Variants in RNF150 observed in about 807,000 individuals in gnomAD.
The protein encoded by RNF150 is ring finger protein 150.
Under a neutral mutation model 39.3 loss-of-function variants are expected in RNF150, and 24 were observed. The observed-to-expected ratio is 0.61, with a 90% CI of 0.44 to 0.86. RNF150 has a LOEUF of 0.86. Ranked by LOEUF, RNF150 falls within the 40% of genes least tolerant of loss-of-function variation. The pLI, the probability that RNF150 is intolerant of heterozygous loss-of-function variation, is 0.00. For missense variants in RNF150, 502 were observed against 587.8 expected, an observed-to-expected ratio of 0.85 and a Z score of 1.51; for synonymous variants, 255 against 227.3, an observed-to-expected ratio of 1.12 and a Z score of -1.10.
chr4:140,937,410 G>A (rs1731902144), intron 4 of RNF150, among the ~76,000 whole-genome samples: 1 of 151,968 alleles, frequency 6.6e-6, no homozygotes, highest in Admixed American at 6.6e-5. Context: ...ACAGGCACCC[G>A]GCACAACGCC....
rs570165213 is a variant in RNF150, at chr4:141,106,738, G to A, written c.484+25587C>T. On this transcript the variant is annotated intron_variant, in intron 1 of 6. Transcript: ENST00000515673. Reference sequence around the variant, plus strand: ...GAACCCGGGAGGCGGAAATTGCAGTGAGCTGACATCGTGCCATTGCACTCC... The same window carrying A: ...GAACCCGGGAGGCGGAAATTGCAGTAAGCTGACATCGTGCCATTGCACTCC... Among the ~76,000 whole-genome samples, 8 of 152,246 alleles carry A rather than the reference G, an allele frequency of 5.3e-5. No individual in the cohort carries two copies. The South Asian group carries it at 1.7e-3, about 32-fold the overall frequency.
intron 1 of RNF150, among the ~76,000 whole-genome samples, chr4:141,207,697 C>T (rs1728396030): frequency 6.6e-6 from 1 of 152,174 alleles, no homozygotes; most frequent in African/African-American, 2.4e-5. Context: ...GACTTCCAAC[C>T]TACGGAAGCT....
At chr4:141,126,355 G>T (rs1726755803) in intron 1 of RNF150, among the ~76,000 whole-genome samples, 1 of 152,168 alleles carries the variant, frequency 6.6e-6, no homozygotes, top group Admixed American at 6.5e-5. Flanking sequence ...ATTCCACAAT[G>T]TTCCCACTCA....
At chr4:141,166,171 C>A (rs1727598706) in intron 1 of RNF150, among the ~76,000 whole-genome samples, 1 of 152,124 alleles carries the variant, frequency 6.6e-6, no homozygotes, top group African/African-American at 2.4e-5. Flanking sequence ...ACTATAAACA[C>A]CTCTATGCAA....
At chr4:140,946,250 G>C (rs960823794) in intron 4 of RNF150, among the ~76,000 whole-genome samples, 2 of 152,094 alleles carry the variant, frequency 1.3e-5, no homozygotes, top group Non-Finnish European at 2.9e-5. Flanking sequence ...TTTCAACCAA[G>C]GTCTGTTTCC....
intron 2 of RNF150, among the ~76,000 whole-genome samples, chr4:140,949,578 G>T (rs780584996): frequency 9.9e-5 from 15 of 152,100 alleles, no homozygotes; most frequent in Non-Finnish European, 1.6e-4. Context: ...TTCTGCCATA[G>T]AGAGAAGTTC....
intron 1 of RNF150, among the ~76,000 whole-genome samples, chr4:141,176,610 C>A (rs1578781652): frequency 1.3e-5 from 2 of 152,268 alleles, no homozygotes; most frequent in South Asian, 4.1e-4. Flanking sequence ...CTTCAGAAAT[C>A]TAATTTATAA....
chr4:141,165,914 CA>C (rs1413388205), intron 1 of RNF150, among the ~76,000 whole-genome samples: 3 of 151,922 alleles, frequency 2.0e-5, no homozygotes, highest in Non-Finnish European at 4.4e-5. Context: ...CAAAGAAATG[CA>C]AAAGCTAGCA....
intron 1 of RNF150, among the ~76,000 whole-genome samples, chr4:141,113,834 G>A (rs1739466368): frequency 6.6e-6 from 1 of 152,172 alleles, no homozygotes; most frequent in South Asian, 2.1e-4. Flanking sequence ...AGACCACCGT[G>A]CAATCAAATT....
intron 1 of RNF150, among the ~76,000 whole-genome samples, chr4:141,054,737 A>G (rs1022561684): frequency 2.0e-5 from 3 of 152,168 alleles, no homozygotes; most frequent in Non-Finnish European, 2.9e-5. Flanking sequence ...GTGATAGTGA[A>G]TCTACAGGCC....
intron 6 of RNF150, among the ~76,000 whole-genome samples, chr4:140,870,203 C>T (rs955655519): frequency 6.6e-6 from 1 of 152,096 alleles, no homozygotes; most frequent in African/African-American, 2.4e-5. Context: ...GAAGACTTAG[C>T]TCTTATCCGT....
At chr4:140,871,371 A>C (rs1728932159) in intron 6 of RNF150, among the ~76,000 whole-genome samples, 1 of 149,744 alleles carries the variant, frequency 6.7e-6, no homozygotes. Flanking sequence ...TTTTCTTAAT[A>C]AAAAATGCCT....
At chr4:141,160,684 T>A (rs975848883) in intron 1 of RNF150, among the ~76,000 whole-genome samples, 1 of 152,084 alleles carries the variant, frequency 6.6e-6, no homozygotes, top group Non-Finnish European at 1.5e-5. Flanking sequence ...ATAGAGTGAG[T>A]GAGTTCTCAC....
At chr4:141,156,279 A>ATATT (rs1016662376) in intron 1 of RNF150, among the ~76,000 whole-genome samples, 6 of 152,010 alleles carry the variant, frequency 3.9e-5, no homozygotes, top group Admixed American at 1.3e-4. Flanking sequence ...AGATTATAGT[A>ATATT]TATTTATTTA....
At chr4:140,921,230 TAAA>T (rs1731126680) in intron 5 of RNF150, among the ~76,000 whole-genome samples, 3 of 151,064 alleles carry the variant, frequency 2.0e-5, no homozygotes, top group Non-Finnish European at 4.4e-5. Context: ...GCAAGACTAA[TAAA>T]GAAGAAAAGA....
chr4:140,873,140 G>T (rs1729011795), intron 6 of RNF150, among the ~76,000 whole-genome samples: 1 of 152,158 alleles, frequency 6.6e-6, no homozygotes, highest in Non-Finnish European at 1.5e-5. Context: ...ACCAATATTT[G>T]CAAGTCAGGA....
intron 1 of RNF150, among the ~76,000 whole-genome samples, chr4:141,002,162 C>T (rs555005049): frequency 6.6e-6 from 1 of 152,052 alleles, no homozygotes; most frequent in African/African-American, 2.4e-5. Flanking sequence ...AATTTCATTA[C>T]AGATTATTAT....
At chr4:140,930,769 T>C (rs894537611) in intron 4 of RNF150, among the ~76,000 whole-genome samples, 2 of 152,244 alleles carry the variant, frequency 1.3e-5, no homozygotes, top group African/African-American at 4.8e-5. Flanking sequence ...GCCAGATTTA[T>C]CTTCCTAAAA....
intron 5 of RNF150, 87 bp downstream of exon 5, chr4:140,925,890 G>T: frequency 2.2e-6 from 2 of 908,356 alleles, no homozygotes; most frequent in Non-Finnish European, 3.6e-6. Context: ...AGGGGACACA[G>T]AACATCCAAG....
Sources: gnomAD v4.1 joint callset for allele counts (sites outside exome capture counted in the v4.1 genomes callset) on GRCh38, gnomAD v4.1.1 for gene constraint, MANE v1.5 for transcripts, NCBI Gene and HGNC (gene_info 2026-07-23, HGNC 2026-07-21) for gene names.